ADGRL2: variants seen among roughly 807,000 people sequenced by gnomAD.
ADGRL2 encodes the protein adhesion G protein-coupled receptor L2.
ADGRL2 carries 44 observed loss-of-function variants against 157.4 expected under a neutral mutation model. The observed-to-expected ratio is 0.28, with a 90% CI of 0.22 to 0.36. The LOEUF is 0.36. ADGRL2 is among the 10% of genes least tolerant of loss of function. The probability of loss-of-function intolerance (pLI) is 1.00; values close to 1 mark genes in which losing one functional copy is unlikely to be tolerated. For synonymous variants in ADGRL2, 585 were observed against 624.7 expected, an observed-to-expected ratio of 0.94 and a Z score of 0.95; for missense variants, 1,510 against 1,768.9, an observed-to-expected ratio of 0.85 and a Z score of 2.63.
Position 81,968,778 on chromosome 1 carries a change from T to G in ADGRL2, c.2524-400T>G, listed in dbSNP as rs559527965. The stretch of plus-strand genomic sequence containing the variant: ...AGCATACAAAACCCCAAGGAGAAAA[T>G]AAAAACTTAAAACTTGGCTTATGTG... On this transcript the variant is annotated intron_variant, in intron 14 of 23. Transcript: ENST00000686636. Among the ~76,000 whole-genome samples the G allele has an allele frequency of 2.0e-5, 3 of 152,284 alleles. No homozygotes were observed. In the East Asian group the frequency reaches 5.8e-4, roughly 29 times the overall value.
chr1:81,514,646 T>G (rs2079141222), intron 2 of ADGRL2: 1 of 152,230 alleles, frequency 6.6e-6, no homozygotes, highest in South Asian at 2.1e-4. Context: ...ATCAAAATCT[T>G]GTGTTGCAAT....
At chr1:81,546,079 C>G (rs1398115685) in intron 2 of ADGRL2, among the ~76,000 whole-genome samples, 1 of 152,038 alleles carries the variant, frequency 6.6e-6, no homozygotes, top group Non-Finnish European at 1.5e-5. Context: ...CTGTTTCCTG[C>G]TTTAACAATT....
chr1:81,670,995 C>T (rs914657325), intron 3 of ADGRL2, among the ~76,000 whole-genome samples: 1 of 152,220 alleles, frequency 6.6e-6, no homozygotes, highest in Non-Finnish European at 1.5e-5. Flanking sequence ...CAGGCTTGAG[C>T]CGTCACACCT....
chr1:81,326,221 G>T (rs568902453), intron 1 of ADGRL2, among the ~76,000 whole-genome samples: 5 of 152,244 alleles, frequency 3.3e-5, no homozygotes, highest in Admixed American at 6.5e-5. Context: ...TGGAAATAAA[G>T]AAAGCTTTTA....
intron 1 of ADGRL2, among the ~76,000 whole-genome samples, chr1:81,812,970 A>T (rs2090022743): frequency 1.3e-5 from 2 of 151,762 alleles, no homozygotes; most frequent in African/African-American, 4.8e-5. Flanking sequence ...ATTTCTAAGG[A>T]ATTGTAAGCC....
intron 17 of ADGRL2, 95 bp from the exon 18 acceptor site, chr1:81,979,774 A>G (rs1661149693): frequency 1.4e-6 from 1 of 703,438 alleles, no homozygotes; most frequent in South Asian, 1.8e-5. Flanking sequence ...TTATATCAGT[A>G]TCTTCCATAT....
At chr1:81,631,448 C>T (rs2148756897) in intron 3 of ADGRL2, among the ~76,000 whole-genome samples, 1 of 152,234 alleles carries the variant, frequency 6.6e-6, no homozygotes, top group African/African-American at 2.4e-5. Flanking sequence ...AACTCCTGAC[C>T]TCAAGTAATC....
chr1:81,865,072 G>T (rs2150878463), intron 2 of ADGRL2, among the ~76,000 whole-genome samples: 1 of 152,270 alleles, frequency 6.6e-6, no homozygotes, highest in East Asian at 1.9e-4. Flanking sequence ...TGTGTATTTT[G>T]ATGTCTCTGC....
At chr1:81,624,441 C>T (rs2081865969) in intron 3 of ADGRL2, among the ~76,000 whole-genome samples, 1 of 151,746 alleles carries the variant, frequency 6.6e-6, no homozygotes. Flanking sequence ...ATTAGCCAGG[C>T]GTGGTGGCCC....
chr1:81,981,206 C>A, intron 18 of ADGRL2: 1 of 283,142 alleles, frequency 3.5e-6, no homozygotes, highest in Non-Finnish European at 7.6e-6. Flanking sequence ...CTCATTCCGT[C>A]CTATTTTCTA....
In ADGRL2 at chr1:81,552,189, G is replaced by A. The variant is rs115072240; in HGVS notation, c.-247-28687G>A. On this transcript the variant is annotated intron_variant, in intron 2 of 24. Transcript: ENST00000370721. ...GAGTTCTTCAGGCTCCACTAGGCCC[G>A]AGAAGAGTCTATTGAGAGTCTCAGC... Among the ~76,000 whole-genome samples the A allele has an allele frequency of 4.3e-3, 651 of 152,180 alleles. 7 individuals carry two copies. The highest frequency in any genetic ancestry group is 4.9e-3 in the Non-Finnish European group (335 of 68,018).
intron 2 of ADGRL2, among the ~76,000 whole-genome samples, chr1:81,782,030 C>T (rs138899609): frequency 1.9e-4 from 29 of 152,034 alleles, no homozygotes; most frequent in Non-Finnish European, 3.8e-4. Context: ...CCAGTGTTCC[C>T]GTATTTTTGC....
intron 2 of ADGRL2, among the ~76,000 whole-genome samples, chr1:81,537,646 A>G (rs984272158): frequency 2.0e-5 from 3 of 151,016 alleles, no homozygotes; most frequent in South Asian, 2.1e-4. Context: ...TATTTTTCCA[A>G]TTCCCAAGTT....
chr1:81,620,745 T>C (rs1317456407), intron 3 of ADGRL2, among the ~76,000 whole-genome samples: 19 of 152,166 alleles, frequency 1.2e-4, no homozygotes. Context: ...ATCCAAAACA[T>C]ATGAAAGAGA....
intron 2 of ADGRL2, among the ~76,000 whole-genome samples, chr1:81,887,879 C>A (rs1264316184): frequency 6.6e-6 from 1 of 152,076 alleles, no homozygotes; most frequent in Non-Finnish European, 1.5e-5. Context: ...CATTGTCAGG[C>A]CCAGAAAATA....
At chr1:81,353,673 A>G (rs576258706) in intron 1 of ADGRL2, among the ~76,000 whole-genome samples, 1 of 152,346 alleles carries the variant, frequency 6.6e-6, no homozygotes, top group East Asian at 1.9e-4. Context: ...AGGTTGGCAC[A>G]TGGAAGCTCA....
At chr1:81,792,678 T>C (rs2149423800) in intron 2 of ADGRL2, among the ~76,000 whole-genome samples, 1 of 152,272 alleles carries the variant, frequency 6.6e-6, no homozygotes, top group South Asian at 2.1e-4. Flanking sequence ...TTATTTTCTA[T>C]ATACATAAAC....
At chr1:81,736,107 C>T (rs1239079642) in intron 1 of ADGRL2, among the ~76,000 whole-genome samples, 3 of 141,210 alleles carry the variant, frequency 2.1e-5, no homozygotes, top group Non-Finnish European at 4.5e-5. Flanking sequence ...CACGCCACTG[C>T]AGTCTAGCCT....
intron 2 of ADGRL2, among the ~76,000 whole-genome samples, chr1:81,477,726 A>T (rs2078301666): frequency 6.6e-6 from 1 of 152,234 alleles, no homozygotes; most frequent in African/African-American, 2.4e-5. Flanking sequence ...ATATTTTTGT[A>T]TTAAACAGTC....
Sources: gnomAD v4.1 joint callset for allele counts (sites outside exome capture counted in the v4.1 genomes callset) on GRCh38, gnomAD v4.1.1 for gene constraint, MANE v1.5 for transcripts, NCBI Gene and HGNC (gene_info 2026-07-23, HGNC 2026-07-21) for gene names.